FAM220A: variants seen among roughly 807,000 people sequenced by gnomAD.
FAM220A encodes protein FAM220A.
For missense variants in FAM220A, 392 were observed against 321.6 expected, an observed-to-expected ratio of 1.22 and a Z score of -1.68; for synonymous variants, 141 against 130.7, an observed-to-expected ratio of 1.08 and a Z score of -0.54.
intron 1 of FAM220A, among the ~76,000 whole-genome samples, chr7:6,336,234 C>T (rs1307092216): frequency 6.6e-6 from 1 of 151,240 alleles, no homozygotes; most frequent in East Asian, 1.9e-4. Context: ...TAGTCCCAGT[C>T]ACTTGAGAGG....
intron 1 of FAM220A, among the ~76,000 whole-genome samples, chr7:6,344,887 G>A (rs1017108789): frequency 2.2e-4 from 33 of 150,940 alleles, no homozygotes; most frequent in African/African-American, 7.1e-4. Context: ...GATGACAGGC[G>A]CATGCCGCCA....
intron 1 of FAM220A, among the ~76,000 whole-genome samples, chr7:6,331,694 T>C (rs1781639523): frequency 2.0e-5 from 3 of 151,468 alleles, no homozygotes; most frequent in Middle Eastern, 3.5e-3. Context: ...GGAGAACATT[T>C]CGTGGGCTTA....
At chr7:6,331,883 G>A (rs1395006477) in intron 1 of FAM220A, among the ~76,000 whole-genome samples, 1 of 151,834 alleles carries the variant, frequency 6.6e-6, no homozygotes, top group Non-Finnish European at 1.5e-5. Context: ...TGGGATTACA[G>A]GTGCCTGCCA....
At chr7:6,343,438 AT>A in intron 1 of FAM220A, among the ~76,000 whole-genome samples, 1 of 121,230 alleles carries the variant, frequency 8.2e-6, no homozygotes, top group Non-Finnish European at 1.8e-5. Context: ...ATATATATAT[AT>A]ATATATGATC....
In FAM220A at chr7:6,330,762, C is replaced by G; in HGVS notation, c.393G>C (p.Leu131=). 2 of 1,614,154 alleles carry G rather than the reference C, an allele frequency of 1.2e-6. No individual in the cohort carries two copies. Among genetic ancestry groups the G allele is most frequent in the Non-Finnish European group, 1.7e-6 (2 of 1,180,034 alleles). The change falls in exon 2 of 2, where the codon CTG becomes CTC. Residue 131 remains leucine (L), a synonymous_variant. Transcript: ENST00000313324. The part of the protein sequence containing the change: ...GVEALGRRDW[L]GGGPRATDGH... ...CGTCAGTGGCCCTGGGCCCTCCTCC[C>G]AGCCAGTCTCGCCGCCCCAGAGCTT...
At position 6,330,162 on chromosome 7, in the gene FAM220A, TG is replaced by T. The variant is rs1562443472; in HGVS notation, c.*212del. 2 of 572,762 alleles carry T rather than the reference TG, an allele frequency of 3.5e-6. No homozygotes were observed. Among genetic ancestry groups the T allele is most frequent in the African/African-American group, 3.8e-5 (2 of 53,014 alleles). The allele number at this position is 572,762 out of a possible 1,614,324, so 35.5% of individuals were successfully genotyped here. ...CTGAAATGTTTCCCAATTCTTTATA[TG>T]TCTTTTAAAGCACAATTTAACACAT... On this transcript the variant is annotated 3_prime_UTR_variant, in exon 2 of 2. Coordinates refer to ENST00000313324, the MANE Select transcript of FAM220A (RefSeq NM_001037163.2).
In FAM220A at chr7:6,330,440, G is replaced by A. The variant is rs1487358232; in HGVS notation, c.715C>T (p.Gln239Ter). ...AGAGCCAGTAACCCCAGTGTTATCT[G>A]CAGACCATCTGAGGTGCTTTTAAGC... ...KMLKSTSDGL[Q>*]ITLGLLALQP... The change falls in exon 2 of 2, where the codon CAG (glutamine) becomes TAG (stop). Residue 239 changes from glutamine (Q) to a stop codon, truncating the protein, a stop_gained. Coordinates refer to ENST00000313324, the MANE Select transcript of FAM220A (RefSeq NM_001037163.2). LOFTEE classifies it low-confidence loss of function (END_TRUNC). 1 of 1,614,136 alleles carries A rather than the reference G, an allele frequency of 6.2e-7. No homozygotes were observed. The highest frequency in any genetic ancestry group is 1.1e-5 in the South Asian group (1 of 91,082).
At chr7:6,344,310 T>G (rs895640627) in intron 1 of FAM220A, among the ~76,000 whole-genome samples, 1 of 152,082 alleles carries the variant, frequency 6.6e-6, no homozygotes, top group Non-Finnish European at 1.5e-5. Flanking sequence ...CAGGGGAGTT[T>G]AAAGTAGCAG....
chr7:6,346,598 C>T (rs1481653761), intron 1 of FAM220A, among the ~76,000 whole-genome samples: 1 of 152,156 alleles, frequency 6.6e-6, no homozygotes, highest in Non-Finnish European at 1.5e-5. Flanking sequence ...CCAGGGTGGT[C>T]TCAAACTCCT....
rs531947428 is a variant in FAM220A at position 6,336,345 on chromosome 7, ACT to A, written c.-81-5112_-81-5111del. Among the ~76,000 whole-genome samples, 440 of 151,300 alleles carry A rather than the reference ACT, an allele frequency of 2.9e-3. 3 individuals carry two copies. The highest frequency in any genetic ancestry group is 4.4e-3 in the Non-Finnish European group (297 of 67,582). On this transcript the variant is annotated intron_variant, in intron 1 of 1. Transcript: ENST00000313324. ...CCTGCGCAATTAGAGCAAGACTGTG[ACT>A]CAAAAAAGAAAAGAAAAAACTGTAT...
At chr7:6,343,484 C>T (rs1404272458) in intron 1 of FAM220A, among the ~76,000 whole-genome samples, 2 of 139,488 alleles carry the variant, frequency 1.4e-5, no homozygotes, top group African/African-American at 5.4e-5. Context: ...TCCCACAGGC[C>T]ATATAACTGA....
intron 1 of FAM220A, among the ~76,000 whole-genome samples, chr7:6,340,127 C>T (rs1317682187): frequency 3.9e-5 from 6 of 152,054 alleles, no homozygotes; most frequent in Non-Finnish European, 5.9e-5. Flanking sequence ...TCAGGTGATC[C>T]GCCCGCCTCG....
At chr7:6,342,732 G>A (rs1207691542) in intron 1 of FAM220A, among the ~76,000 whole-genome samples, 1 of 151,860 alleles carries the variant, frequency 6.6e-6, no homozygotes, top group African/African-American at 2.4e-5. Context: ...AGACATAAAA[G>A]ACAAAAACAA....
At chr7:6,342,157 C>G (rs1781873190) in intron 1 of FAM220A, among the ~76,000 whole-genome samples, 1 of 152,120 alleles carries the variant, frequency 6.6e-6, no homozygotes, top group South Asian at 2.1e-4. Context: ...AGCAGACAGT[C>G]TCTTCTTAAA....
At chr7:6,333,159 T>TA (rs1451382134) in intron 1 of FAM220A, among the ~76,000 whole-genome samples, 12 of 75,316 alleles carry the variant, frequency 1.6e-4, no homozygotes, top group Admixed American at 1.5e-3. Flanking sequence ...CCATCCCAAA[T>TA]AAAAAAATCA....
rs1554260858 is a variant in FAM220A at position 6,348,236 on chromosome 7, G to GT, written c.-82+336_-82+337insA. Among the ~76,000 whole-genome samples, 3 of 151,204 alleles carry GT rather than the reference G, an allele frequency of 2.0e-5. No individual in the cohort carries two copies. The East Asian group carries it at 5.9e-4, about 30-fold the overall frequency. ...CCGTCTTTACAATTAAAAATAAGGGGGGGGGTTGCAAAGTTTGGGAACTAG... is the reference window on the plus strand; with the variant it reads ...CCGTCTTTACAATTAAAAATAAGGGGTGGGGGTTGCAAAGTTTGGGAACTAG... On this transcript the variant is annotated intron_variant, in intron 1 of 1. Coordinates refer to ENST00000313324, the MANE Select transcript of FAM220A (RefSeq NM_001037163.2).
At chr7:6,331,650 G>A (rs573261036) in intron 1 of FAM220A, among the ~76,000 whole-genome samples, 11 of 151,940 alleles carry the variant, frequency 7.2e-5, no homozygotes, top group African/African-American at 2.4e-4. Context: ...AAAGTACTGG[G>A]ATTACAGGCG....
intron 1 of FAM220A, among the ~76,000 whole-genome samples, chr7:6,335,465 T>A (rs1405472320): frequency 2.0e-5 from 3 of 151,980 alleles, no homozygotes; most frequent in Non-Finnish European, 4.4e-5. Flanking sequence ...TGACCTCAGG[T>A]GATCTGCCCG....
At chr7:6,343,644 G>A (rs1781905853) in intron 1 of FAM220A, among the ~76,000 whole-genome samples, 2 of 151,740 alleles carry the variant, frequency 1.3e-5, no homozygotes, top group Admixed American at 1.3e-4. Flanking sequence ...AAGAACTCCA[G>A]GAGATTAAGG....
Sources: gnomAD v4.1 joint callset for allele counts (sites outside exome capture counted in the v4.1 genomes callset) on GRCh38, gnomAD v4.1.1 for gene constraint, MANE v1.5 for transcripts, NCBI Gene and HGNC (gene_info 2026-07-23, HGNC 2026-07-21) for gene names.